Variants in PODXL2 observed in about 807,000 individuals in gnomAD.
PODXL2 encodes the protein podocalyxin-like protein 2.
In PODXL2, 17 loss-of-function variants were observed where a neutral mutation model predicts 53.4. That is an observed-to-expected ratio of 0.32 (90% CI 0.22 to 0.48). The LOEUF (loss-of-function observed/expected upper bound fraction) is 0.48. Ranked by LOEUF, PODXL2 falls within the 20% of genes least tolerant of loss-of-function variation. The probability of loss-of-function intolerance (pLI) is 0.99; values close to 1 mark genes in which losing one functional copy is unlikely to be tolerated. For missense variants in PODXL2, 673 were observed against 760.0 expected (o/e 0.89, Z 1.35); for synonymous variants, 311 against 306.7 (o/e 1.01, Z -0.15).
At chr3:127,646,642 G>A (rs1331348311) in intron 2 of PODXL2, among the ~76,000 whole-genome samples, 3 of 152,090 alleles carry the variant, frequency 2.0e-5, no homozygotes, top group African/African-American at 4.8e-5. Flanking sequence ...CGTCTCGGCC[G>A]CCCAAAGTGC....
intron 1 of PODXL2, among the ~76,000 whole-genome samples, chr3:127,631,189 C>T (rs61042109): frequency 7.8e-4 from 119 of 152,280 alleles, no homozygotes; most frequent in African/African-American, 2.8e-3. Flanking sequence ...TTCCTGTTGT[C>T]GCTGACACTT....
rs199908037 is a variant in PODXL2, at chr3:127,660,925, G to A, written c.897G>A (p.Gln299=). The change falls in exon 3 of 8, where the codon CAG becomes CAA. Residue 299 remains glutamine (Q), a synonymous_variant. Transcript: ENST00000342480. ...ATAGAAGLSG[Q]HEEVPALPSF... The stretch of plus-strand genomic sequence containing the variant: ...CAGGAGCAGCTGGTTTGTCTGGCCA[G>A]CACGAGGAGGTGCCGGCCTTGCCTT... The A allele has an allele frequency of 1.9e-6, 3 of 1,614,256 alleles. No homozygotes were observed. In the East Asian group the frequency reaches 6.7e-5, roughly 36 times the overall value.
rs1479005163 is a variant in PODXL2, at chr3:127,639,415, T to G, written c.241T>G (p.Phe81Val). ...GAGLGAPGSGFPSEENEESRI... is the reference protein window; with the variant it reads ...GAGLGAPGSGVPSEENEESRI... Reference sequence around the variant, plus strand: ...TGGGCTGGGAGCCCCTGGCTCAGGCTTCCCCAGCGAAGAGAATGAAGAGTC... The same window carrying G: ...TGGGCTGGGAGCCCCTGGCTCAGGCGTCCCCAGCGAAGAGAATGAAGAGTC... Residue 81 changes from phenylalanine (F) to valine (V), a missense_variant, in exon 2 of 8, where the codon TTC becomes GTC. Around this residue, in one of 3 missense-constraint regions of PODXL2, gnomAD observed 588 missense variants for 668.3 expected, o/e 0.88. Transcript: ENST00000342480. 6.2e-7 allele frequency: 1 copy of G among 1,614,264 alleles called. No individual in the cohort carries two copies. Among genetic ancestry groups the G allele is most frequent in the Middle Eastern group, 1.6e-4 (1 of 6,062 alleles).
At chr3:127,649,159 A>G (rs2074674028) in intron 2 of PODXL2, among the ~76,000 whole-genome samples, 1 of 152,194 alleles carries the variant, frequency 6.6e-6, no homozygotes, top group Admixed American at 6.5e-5. Flanking sequence ...AAAATGGACA[A>G]TAGTGGACAC....
chr3:127,642,533 C>G (rs1241587276), intron 2 of PODXL2, among the ~76,000 whole-genome samples: 2 of 151,774 alleles, frequency 1.3e-5, no homozygotes, highest in Non-Finnish European at 2.9e-5. Flanking sequence ...AAGATGGGAG[C>G]CTGCAGGGAA....
At chr3:127,656,454 G>A (rs1197313047) in intron 2 of PODXL2, among the ~76,000 whole-genome samples, 1 of 151,892 alleles carries the variant, frequency 6.6e-6, no homozygotes, top group South Asian at 2.1e-4. Context: ...AATTAGCCAG[G>A]TGTTGGGCGC....
intron 2 of PODXL2, among the ~76,000 whole-genome samples, chr3:127,650,073 C>T (rs1481366606): frequency 6.6e-6 from 1 of 152,168 alleles, no homozygotes; most frequent in African/African-American, 2.4e-5. Context: ...AGTGAGGGGA[C>T]AATTTTCAGT....
chr3:127,670,102 C>T (rs1007538444), intron 6 of PODXL2, among the ~76,000 whole-genome samples: 2 of 152,138 alleles, frequency 1.3e-5, no homozygotes, highest in Non-Finnish European at 2.9e-5. Context: ...GTGAGCATGT[C>T]GAATGCCCAC....
intron 2 of PODXL2, among the ~76,000 whole-genome samples, chr3:127,649,722 A>T (rs541034180): frequency 1.3e-4 from 20 of 152,338 alleles, no homozygotes; most frequent in Admixed American, 4.6e-4. Flanking sequence ...GGATCACCTG[A>T]GGTGAGGAGT....
chr3:127,668,475 T>C lies in PODXL2; in HGVS notation c.1241T>C (p.Leu414Pro). ...VFRQHRGPQL[L>P]ALVEEVLPRH... ...CGGCAGCACCGGGGGCCACAGCTCCTGGCCCTGGTGGAAGAGGTGCTGCCC... is the reference window on the plus strand; with the variant it reads ...CGGCAGCACCGGGGGCCACAGCTCCCGGCCCTGGTGGAAGAGGTGCTGCCC... Residue 414 changes from leucine to proline, a missense_variant, in exon 5 of 8, where the codon CTG becomes CCG. Physicochemically the swap from Leu to Pro is moderately conservative, Grantham distance 98. Coordinates refer to ENST00000342480, the MANE Select transcript of PODXL2 (RefSeq NM_015720.4). The C allele has an allele frequency of 6.6e-7, 1 of 1,525,414 alleles. No individual in the cohort carries two copies. Among genetic ancestry groups the C allele is most frequent in the Non-Finnish European group, 8.8e-7 (1 of 1,140,070 alleles). The allele number at this position is 1,525,414 out of a possible 1,614,324, so 94.5% of individuals were successfully genotyped here. A position where few individuals can be genotyped will look rare whatever the true frequency, so the allele number is the denominator to read the frequency against.
rs867371896 is a variant in PODXL2 at position 127,657,648 on chromosome 3, T to C, written c.350-2730T>C. The stretch of plus-strand genomic sequence containing the variant: ...TACTCCTTCACCTAATCTTGTAAAT[T>C]GCTGTCAGATTAATCTTCCAATAAT... On this transcript the variant is annotated intron_variant, in intron 2 of 7. Transcript: ENST00000342480. Among the ~76,000 whole-genome samples, 15 of 152,358 alleles carry C rather than the reference T, an allele frequency of 9.8e-5. No homozygotes were observed. In the Middle Eastern group the frequency reaches 0.01, roughly 104 times the overall value.
intron 1 of PODXL2, among the ~76,000 whole-genome samples, chr3:127,639,033 C>T (rs2074596663): frequency 1.3e-5 from 2 of 152,244 alleles, no homozygotes; most frequent in Admixed American, 1.3e-4. Context: ...TCTGTCTCCC[C>T]TTGCCCCTGC....
At chr3:127,646,968 T>A (rs1444253985) in intron 2 of PODXL2, among the ~76,000 whole-genome samples, 3 of 152,100 alleles carry the variant, frequency 2.0e-5, no homozygotes, top group African/African-American at 7.2e-5. Flanking sequence ...TACATCCCAT[T>A]TCTAGTGTGT....
intron 1 of PODXL2, among the ~76,000 whole-genome samples, chr3:127,638,694 G>A (rs750149682): frequency 2.0e-5 from 3 of 152,000 alleles, no homozygotes; most frequent in Admixed American, 1.3e-4. Context: ...CAGCCTGGGC[G>A]ACAGAGCAAG....
intron 7 of PODXL2, 67 bp from the exon 8 acceptor site, chr3:127,672,201 G>C (rs2074851359): frequency 5.1e-6 from 7 of 1,380,926 alleles, no homozygotes; most frequent in Non-Finnish European, 6.9e-6. Flanking sequence ...TTGCACAGAC[G>C]GCCGCGGGCC....
At position 127,663,762 on chromosome 3, in the gene PODXL2, C is replaced by T. The variant is rs543194417; in HGVS notation, c.1206+1451C>T. On this transcript the variant is annotated intron_variant, in intron 4 of 7. Transcript: ENST00000342480. ...CTTCCTCCCCCAGACATGGAGCCCT[C>T]ATTCCCTTCATTGGGAAATGGTACA... Among the ~76,000 whole-genome samples the T allele has an allele frequency of 5.9e-5, 9 of 152,324 alleles. No homozygotes were observed. In the South Asian group the frequency reaches 1.0e-3, roughly 18 times the overall value.
At chr3:127,654,175 A>G (rs1272257440) in intron 2 of PODXL2, among the ~76,000 whole-genome samples, 1 of 152,022 alleles carries the variant, frequency 6.6e-6, no homozygotes, top group Non-Finnish European at 1.5e-5. Flanking sequence ...AAACCCTCTA[A>G]TCTTTCTTTG....
intron 4 of PODXL2, among the ~76,000 whole-genome samples, chr3:127,664,807 T>G (rs978339184): frequency 4.6e-5 from 7 of 152,124 alleles, no homozygotes; most frequent in Non-Finnish European, 1.0e-4. Flanking sequence ...ATTGTGGTTT[T>G]GATTTGCATT....
At chr3:127,641,915 T>G (rs9870106) in intron 2 of PODXL2, among the ~76,000 whole-genome samples, 4,060 of 152,296 alleles carry the variant, frequency 0.027, 171 homozygotes, top group African/African-American at 0.085. Flanking sequence ...CAGTTTTAAT[T>G]CTGCTACAAA....
Sources: gnomAD v4.1 joint callset for allele counts (sites outside exome capture counted in the v4.1 genomes callset) on GRCh38, gnomAD v4.1.1 for gene constraint, gnomAD v4.1.1 regional missense constraint, MANE v1.5 for transcripts, NCBI Gene and HGNC (gene_info 2026-07-23, HGNC 2026-07-21) for gene names.